LHPP: variants seen among roughly 807,000 people sequenced by gnomAD.
LHPP encodes the protein phospholysine phosphohistidine inorganic pyrophosphate phosphatase, also known as hLHPP.
In LHPP, 24 loss-of-function variants were observed where a neutral mutation model predicts 30.3. The observed-to-expected ratio is 0.79, with a 90% CI of 0.57 to 1.11. The LOEUF (loss-of-function observed/expected upper bound fraction) is 1.11. Ranked by LOEUF, LHPP falls within the 50% of genes most tolerant of loss-of-function variation. The pLI, the probability that LHPP is intolerant of heterozygous loss-of-function variation, is 0.00. For synonymous variants in LHPP, 150 were observed against 157.1 expected (o/e 0.95, Z 0.34); for missense variants, 356 against 367.2 (o/e 0.97, Z 0.25).
chr10:124,500,263 A>G (rs921907881), intron 5 of LHPP, among the ~76,000 whole-genome samples: 2 of 151,962 alleles, frequency 1.3e-5, no homozygotes, highest in Admixed American at 1.3e-4. Flanking sequence ...ACCTGAGGTC[A>G]GGAGTTCAAG....
At chr10:124,579,657 G>A (rs1182809050) in intron 6 of LHPP, among the ~76,000 whole-genome samples, 1 of 152,164 alleles carries the variant, frequency 6.6e-6, no homozygotes, top group African/African-American at 2.4e-5. Flanking sequence ...GGTCACCTTG[G>A]GGAGTTTGTT....
At chr10:124,464,332 A>G (rs1952496182) in intron 1 of LHPP, among the ~76,000 whole-genome samples, 1 of 152,170 alleles carries the variant, frequency 6.6e-6, no homozygotes, top group Non-Finnish European at 1.5e-5. Flanking sequence ...GTGGCAATTA[A>G]CTGAGTCTCT....
chr10:124,520,791 G>A (rs532830287), intron 6 of LHPP, among the ~76,000 whole-genome samples: 9 of 152,342 alleles, frequency 5.9e-5, no homozygotes, highest in South Asian at 2.1e-4. Flanking sequence ...CAGTAGCGGC[G>A]AGCCGCAGGG....
At chr10:124,602,298 G>A (rs568135099) in intron 6 of LHPP, among the ~76,000 whole-genome samples, 57 of 152,350 alleles carry the variant, frequency 3.7e-4, no homozygotes, top group South Asian at 1.9e-3. Flanking sequence ...ATCATGGTGC[G>A]CACCCCATGG....
chr10:124,528,992 C>A (rs1030966120), intron 6 of LHPP, among the ~76,000 whole-genome samples: 1 of 150,550 alleles, frequency 6.6e-6, no homozygotes, highest in Admixed American at 6.6e-5. Context: ...ATGGCACAAT[C>A]GCCCCTGCCC....
In LHPP at chr10:124,523,211, T is replaced by C. The variant is rs1954652140; in HGVS notation, c.716+5940T>C. Reference sequence around the variant, plus strand: ...GCCCCGAACGTTCTTGACAAACAGTTTGCCCTTCGGAGAGGGAAAGTTTCC... The same window carrying C: ...GCCCCGAACGTTCTTGACAAACAGTCTGCCCTTCGGAGAGGGAAAGTTTCC... On this transcript the variant is annotated intron_variant, in intron 6 of 6. Transcript: ENST00000368842. The surrounding 1 kb of genome is among the most constrained non-coding windows in gnomAD (Gnocchi z 4.2). 6.6e-6 allele frequency among the ~76,000 whole-genome samples: 1 copy of C among 152,240 alleles called. No individual in the cohort carries two copies. The highest frequency in any genetic ancestry group is 2.1e-4 in the South Asian group (1 of 4,834).
chr10:124,607,085 C>G (rs549709376), intron 6 of LHPP, among the ~76,000 whole-genome samples: 1 of 152,226 alleles, frequency 6.6e-6, no homozygotes, highest in African/African-American at 2.4e-5. Flanking sequence ...CCAGCTCTGT[C>G]CCAGTAGGGC....
intron 6 of LHPP, among the ~76,000 whole-genome samples, chr10:124,581,450 AT>A (rs1375141222): frequency 6.6e-6 from 1 of 152,210 alleles, no homozygotes; most frequent in East Asian, 1.9e-4. Context: ...CGTGGTATCT[AT>A]TTTTAATCAC....
chr10:124,488,448 G>A lies in LHPP; in HGVS notation c.340G>A (p.Asp114Asn), dbSNP rs142662345. 3.8e-5 allele frequency: 61 copies of A among 1,613,944 alleles called. No homozygotes were observed. The highest frequency in any genetic ancestry group is 1.2e-4 in the Admixed American group (7 of 59,974). ...DGVRSEFDQI[D>N]TSNPNCVVIA... ...AGTCCGCTCAGAATTTGATCAGATC[G>A]ACACATCCAACCCAAACTGTGTGGT... The change falls in exon 3 of 7, where the codon GAC (aspartate) becomes AAC (asparagine). Residue 114 changes from aspartate to asparagine, a missense_variant. Physicochemically the swap from Asp to Asn is conservative, Grantham distance 23. Transcript: ENST00000368842.
At chr10:124,498,166 G>GCCCCGTCAGGGAGGCCA in intron 5 of LHPP, 38 bp downstream of exon 5, 1 of 1,549,220 alleles carries the variant, frequency 6.5e-7, no homozygotes, top group Non-Finnish European at 8.8e-7. Flanking sequence ...AGGGGAGGCA[G>GCCCCGTCAGGGAGGCCA]CCCCGTCAGG....
At chr10:124,539,948 G>T (rs558456062) in intron 6 of LHPP, among the ~76,000 whole-genome samples, 5 of 152,160 alleles carry the variant, frequency 3.3e-5, no homozygotes, top group African/African-American at 9.6e-5. Context: ...CCTACGGCTG[G>T]GGAGACCAGA....
Position 124,496,720 on chromosome 10 carries a change from C to A in LHPP, c.468-241C>A, listed in dbSNP as rs192191624. Among the ~76,000 whole-genome samples, 126 of 152,354 alleles carry A rather than the reference C, an allele frequency of 8.3e-4. 1 individual carries two copies. The highest frequency in any genetic ancestry group is 2.9e-3 in the African/African-American group (122 of 41,586). ...GACAGCAGGGTTGCGTTCTGTGCGA[C>A]CTGTGGCATCCCTGGAGCTGCTGGC... On this transcript the variant is annotated intron_variant, in intron 3 of 6. Transcript: ENST00000368842. The surrounding 1 kb of genome is among the most constrained non-coding windows in gnomAD (Gnocchi z 4.3).
At chr10:124,529,809 A>ACG (rs1161129612) in intron 6 of LHPP, among the ~76,000 whole-genome samples, 1 of 128,914 alleles carries the variant, frequency 7.8e-6, no homozygotes, top group African/African-American at 2.5e-5. Context: ...ACACACACAC[A>ACG]CACGCACACA....
intron 1 of LHPP, among the ~76,000 whole-genome samples, chr10:124,472,238 G>A (rs1342652087): frequency 6.6e-6 from 1 of 152,062 alleles, no homozygotes; most frequent in African/African-American, 2.4e-5. Flanking sequence ...GCTTGAACCC[G>A]AGAGGCAGAG....
At position 124,590,055 on chromosome 10, in the gene LHPP, G is replaced by C. The variant is rs1948860272; in HGVS notation, c.717-23209G>C. On this transcript the variant is annotated intron_variant, in intron 6 of 6. Transcript: ENST00000368842. This position sits in a 1 kb window ranked among gnomAD's most constrained non-coding sequence, Gnocchi z 4.3. The stretch of plus-strand genomic sequence containing the variant: ...CCCGCCCTTAGAAAAATAAATGCGT[G>C]ATTGACTGGCTTTGCAGGTTTTTTA... Among the ~76,000 whole-genome samples the C allele has an allele frequency of 6.6e-6, 1 of 152,212 alleles. No individual in the cohort carries two copies. Among genetic ancestry groups the C allele is most frequent in the Admixed American group, 6.5e-5 (1 of 15,282 alleles).
chr10:124,553,449 CTTTTTTTTTTTTTTTT>C (rs35840555), intron 6 of LHPP, among the ~76,000 whole-genome samples: 1 of 61,614 alleles, frequency 1.6e-5, no homozygotes, highest in Non-Finnish European at 2.7e-5. Context: ...TACAGCCATT[CTTTTTTTTTTTTTTTT>C]TTTTTTTTTT....
chr10:124,547,968 C>T (rs918228831), intron 6 of LHPP, among the ~76,000 whole-genome samples: 3 of 152,210 alleles, frequency 2.0e-5, no homozygotes, highest in African/African-American at 4.8e-5. Context: ...TCCCGCCCAC[C>T]GCCTGATGCC....
chr10:124,476,576 ATC>A (rs1952952504), intron 1 of LHPP, among the ~76,000 whole-genome samples: 1 of 152,098 alleles, frequency 6.6e-6, no homozygotes, highest in Non-Finnish European at 1.5e-5. Context: ...ACAGATGCCG[ATC>A]TGTTGCTGCT....
chr10:124,530,437 A>C (rs1438378725), intron 6 of LHPP, among the ~76,000 whole-genome samples: 1 of 151,866 alleles, frequency 6.6e-6, no homozygotes, highest in Admixed American at 6.6e-5. Flanking sequence ...ACGATCCCGC[A>C]TCCACATGTG....
Sources: allele counts gnomAD v4.1 joint callset (sites outside exome capture counted in the v4.1 genomes callset), GRCh38; gene constraint gnomAD v4.1.1; non-coding constraint Gnocchi (gnomAD v3.1); transcripts MANE v1.5; gene names NCBI Gene and HGNC (gene_info 2026-07-23, HGNC 2026-07-21).